Variants in CORO7 observed in about 807,000 individuals in gnomAD.
CORO7 encodes the protein coronin-7.
Under a neutral mutation model 126.6 loss-of-function variants are expected in CORO7, and 107 were observed. That is an observed-to-expected ratio of 0.85 (90% CI 0.72 to 0.99). CORO7 has a LOEUF of 0.99. Among genes scored for constraint, CORO7 ranks in the 50% least tolerant of loss-of-function variants. CORO7 has a pLI of 0.00. For synonymous variants in CORO7, 603 were observed against 536.8 expected, an observed-to-expected ratio of 1.12 and a Z score of -1.70; for missense variants, 1,314 against 1,255.8, an observed-to-expected ratio of 1.05 and a Z score of -0.70.
chr16:4,408,105 G>T (rs1007787177), intron 4 of CORO7, 76 bp downstream of exon 4: 2 of 1,603,554 alleles, frequency 1.2e-6, no homozygotes, highest in African/African-American at 2.7e-5. Flanking sequence ...AGCCCTGTGG[G>T]GATGGCGCTG....
chr16:4,361,795 C>T, intron 16 of CORO7, 190 bp downstream of exon 16: 2 of 974,962 alleles, frequency 2.1e-6, no homozygotes, highest in Non-Finnish European at 3.1e-6. Flanking sequence ...TGTGCCTCTT[C>T]TCCCTCATCT....
intron 3 of CORO7, among the ~76,000 whole-genome samples, chr16:4,409,191 C>G (rs999623672): frequency 6.6e-6 from 1 of 152,184 alleles, no homozygotes; most frequent in Admixed American, 6.5e-5. Context: ...CAGGGCTGAG[C>G]AGGACTGTCT....
rs772811241 is a variant in CORO7 at position 4,382,588 on chromosome 16, G to A, written c.785+5398C>T. On this transcript the variant is annotated intron_variant, in intron 9 of 27. Coordinates refer to ENST00000251166, the MANE Select transcript of CORO7 (RefSeq NM_024535.5). ...CCACGCCCCAGTCACCCAGGCCCGC[G>A]AGGGCAACCTGCCGCTCCTCATTGC... 37 of 1,586,254 alleles carry A rather than the reference G, an allele frequency of 2.3e-5. No individual in the cohort carries two copies. Among genetic ancestry groups the A allele is most frequent in the South Asian group, 1.1e-4 (10 of 87,786 alleles).
At chr16:4,400,112 G>A (rs1049295553) in intron 6 of CORO7, among the ~76,000 whole-genome samples, 2 of 152,164 alleles carry the variant, frequency 1.3e-5, no homozygotes, top group Non-Finnish European at 2.9e-5. Flanking sequence ...AAACTACTCC[G>A]TATAGTGGTT....
intron 9 of CORO7, among the ~76,000 whole-genome samples, chr16:4,377,368 G>T (rs1042529087): frequency 6.6e-6 from 1 of 151,990 alleles, no homozygotes; most frequent in Non-Finnish European, 1.5e-5. Flanking sequence ...GTGGGTGGGC[G>T]GCGGCAACCA....
Position 4,359,580 on chromosome 16 carries a change from A to G in CORO7, c.2150T>C (p.Leu717Pro). Residue 717 changes from leucine (L) to proline (P), a missense_variant, in exon 22 of 28, where the codon CTG becomes CCG. Physicochemically the swap from Leu to Pro is moderately conservative, Grantham distance 98. Coordinates refer to ENST00000251166, the MANE Select transcript of CORO7 (RefSeq NM_024535.5). ...CAACACTGCCAAGGGTCCGCCGGCC[A>G]GGGCCTCAGCTTCATATAGGAGCAG... ...RQLLLYEAEA[L>P]AGGPLAVLGL... is the part of the protein sequence containing the mutation. 1 of 1,611,788 alleles carries G rather than the reference A, an allele frequency of 6.2e-7. No individual in the cohort carries two copies. Among genetic ancestry groups the G allele is most frequent in the Non-Finnish European group, 8.5e-7 (1 of 1,178,906 alleles).
At chr16:4,384,707 G>A (rs955148675) in intron 9 of CORO7, among the ~76,000 whole-genome samples, 60 of 152,232 alleles carry the variant, frequency 3.9e-4, no homozygotes, top group African/African-American at 1.4e-3. Context: ...GAGGCGGGCC[G>A]TGGGTCATGG....
chr16:4,400,833 T>TAAC, intron 6 of CORO7, among the ~76,000 whole-genome samples: 1 of 150,352 alleles, frequency 6.7e-6, no homozygotes, highest in South Asian at 2.1e-4. Flanking sequence ...ATAATAATAA[T>TAAC]GTTTACCATT....
At chr16:4,405,349 G>C (rs1340481159) in intron 6 of CORO7, 142 bp downstream of exon 6, 5 of 860,408 alleles carry the variant, frequency 5.8e-6, no homozygotes, top group Admixed American at 3.4e-5. Flanking sequence ...GGAGCAGCTA[G>C]GGGGCAGGGC....
intron 25 of CORO7, 166 bp downstream of exon 25, chr16:4,357,802 G>C: frequency 7.9e-7 from 1 of 1,267,918 alleles, no homozygotes; most frequent in Non-Finnish European, 1.1e-6. Context: ...CACAGACCAC[G>C]AGCCCTGCCC....
At chr16:4,394,832 G>A (rs1309777188) in intron 7 of CORO7, among the ~76,000 whole-genome samples, 1 of 152,210 alleles carries the variant, frequency 6.6e-6, no homozygotes, top group Non-Finnish European at 1.5e-5. Context: ...AAATGGCCAC[G>A]CACACTCCAT....
intron 9 of CORO7, among the ~76,000 whole-genome samples, chr16:4,384,208 A>T (rs1247253398): frequency 6.6e-6 from 1 of 152,232 alleles, no homozygotes; most frequent in Non-Finnish European, 1.5e-5. Context: ...TGGCTTGCAG[A>T]CGGTGCCAGG....
At chr16:4,412,730 C>A (rs1450716347) in intron 2 of CORO7, 2 of 409,848 alleles carry the variant, frequency 4.9e-6, no homozygotes, top group East Asian at 8.1e-5. Context: ...CTACCGTCAG[C>A]CACTTTTCGC....
intron 7 of CORO7, 75 bp downstream of exon 7, chr16:4,395,214 T>G: frequency 1.2e-6 from 2 of 1,606,726 alleles, no homozygotes; most frequent in Non-Finnish European, 1.7e-6. Context: ...TGCCCCTACC[T>G]CCACCTGCTA....
At chr16:4,384,701 C>T (rs963603972) in intron 9 of CORO7, among the ~76,000 whole-genome samples, 2 of 152,188 alleles carry the variant, frequency 1.3e-5, no homozygotes, top group South Asian at 2.1e-4. Context: ...AGGGAGGAGG[C>T]GGGCCGTGGG....
In CORO7 at chr16:4,360,825, C is replaced by T. The variant is rs140680086; in HGVS notation, c.1917+118G>A. 2.7e-6 allele frequency: 4 copies of T among 1,507,106 alleles called. No individual in the cohort carries two copies. In the African/African-American group the frequency reaches 5.6e-5, roughly 21 times the overall value. 93.4% of individuals were successfully genotyped at this position (1,507,106 alleles called of 1,614,324 possible). ...TCACTGCTGGCCCCACCCCTCCTCG[C>T]TGCTGGTCCTGCCTCTCCTCACTGC... On this transcript the variant is annotated intron_variant, in intron 19 of 27. Coordinates refer to ENST00000251166, the MANE Select transcript of CORO7 (RefSeq NM_024535.5).
chr16:4,365,892 T>A (rs761113152), intron 9 of CORO7, among the ~76,000 whole-genome samples: 2 of 152,076 alleles, frequency 1.3e-5, no homozygotes, highest in Non-Finnish European at 1.5e-5. Context: ...AGCCTAGACA[T>A]CAGGCCAGCA....
chr16:4,381,690 G>C (rs1347138296), intron 9 of CORO7: 2 of 1,607,936 alleles, frequency 1.2e-6, no homozygotes, highest in African/African-American at 1.3e-5. Context: ...AGCTGGATGT[G>C]AGCAACCTAA....
intron 9 of CORO7, chr16:4,381,413 A>C: frequency 6.3e-7 from 1 of 1,585,322 alleles, no homozygotes; most frequent in Non-Finnish European, 8.6e-7. Flanking sequence ...CTCAGCCACA[A>C]CAGCCTCCTG....
Sources: allele counts gnomAD v4.1 joint callset (sites outside exome capture counted in the v4.1 genomes callset), GRCh38; gene constraint gnomAD v4.1.1; transcripts MANE v1.5; gene names NCBI Gene and HGNC (gene_info 2026-07-23, HGNC 2026-07-21).